Variants in DPF3 observed in about 807,000 individuals in gnomAD.
DPF3 encodes zinc finger protein DPF3.
A neutral mutation model predicts 56.8 loss-of-function variants in DPF3; 18 were observed. That is an observed-to-expected ratio of 0.32 (90% confidence interval 0.22 to 0.47). The LOEUF is 0.47. Among genes scored for constraint, DPF3 ranks in the 20% least tolerant of loss-of-function variants. The pLI, the probability that DPF3 is intolerant of heterozygous loss-of-function variation, is 1.00. For synonymous variants in DPF3, 188 were observed against 180.2 expected (o/e 1.04, Z -0.35); for missense variants, 403 against 488.8 (o/e 0.82, Z 1.65).
intron 1 of DPF3, among the ~76,000 whole-genome samples, chr14:72,772,452 AG>A (rs1891573105): frequency 6.6e-6 from 1 of 152,260 alleles, no homozygotes; most frequent in African/African-American, 2.4e-5. Context: ...TGCAGGAAGA[AG>A]GGGGTGTAGA....
chr14:72,797,680 T>C (rs1450277583), intron 1 of DPF3, among the ~76,000 whole-genome samples: 1 of 152,226 alleles, frequency 6.6e-6, no homozygotes, highest in Non-Finnish European at 1.5e-5. Flanking sequence ...TTTTTCTTCC[T>C]AGCCAACATC....
chr14:72,645,709 T>C (rs8010255), intron 8 of DPF3, among the ~76,000 whole-genome samples: 39,431 of 151,872 alleles, frequency 0.26, 5,807 homozygotes, highest in African/African-American at 0.4. Context: ...TTTTAAGATT[T>C]CTCTTCTTTT....
intron 1 of DPF3, among the ~76,000 whole-genome samples, chr14:72,801,650 CTG>C (rs1420332425): frequency 2.0e-5 from 3 of 152,170 alleles, no homozygotes; most frequent in Non-Finnish European, 2.9e-5. Flanking sequence ...AGGAGTGACA[CTG>C]TAGCCAGGTG....
At chr14:72,660,882 A>C (rs1214275530) in intron 8 of DPF3, among the ~76,000 whole-genome samples, 1 of 152,222 alleles carries the variant, frequency 6.6e-6, no homozygotes, top group East Asian at 1.9e-4. Context: ...GCCAGTGGCA[A>C]CTGCTGTTCT....
At chr14:72,639,892 C>T (rs577376627) in intron 8 of DPF3, among the ~76,000 whole-genome samples, 8 of 151,664 alleles carry the variant, frequency 5.3e-5, no homozygotes, top group Admixed American at 3.3e-4. Context: ...TTTTAAATGA[C>T]TATAATACAA....
intron 1 of DPF3, among the ~76,000 whole-genome samples, chr14:72,835,044 G>A (rs1884232488): frequency 6.6e-6 from 1 of 152,064 alleles, no homozygotes. Context: ...CAGGGGTAGA[G>A]GGGACAGGGG....
At chr14:72,811,017 C>T (rs1883021970) in intron 1 of DPF3, among the ~76,000 whole-genome samples, 1 of 152,210 alleles carries the variant, frequency 6.6e-6, no homozygotes. Flanking sequence ...GGTGAGGCTT[C>T]AGGAAGCTAC....
At chr14:72,688,323 GTGGA>G (rs1180204888) in intron 7 of DPF3, among the ~76,000 whole-genome samples, 7 of 76,070 alleles carry the variant, frequency 9.2e-5, no homozygotes, top group African/African-American at 3.9e-4. Flanking sequence ...GGGTGGGTGG[GTGGA>G]TGGATCGATG....
intron 6 of DPF3, among the ~76,000 whole-genome samples, chr14:72,709,677 A>C (rs1001528261): frequency 6.6e-6 from 1 of 152,112 alleles, no homozygotes; most frequent in African/African-American, 2.4e-5. Context: ...TCTAGAGTTG[A>C]GGACGCTGGG....
chr14:72,869,388 A>T (rs950454012), intron 1 of DPF3, among the ~76,000 whole-genome samples: 4 of 152,192 alleles, frequency 2.6e-5, no homozygotes, highest in African/African-American at 9.6e-5. Context: ...TAGCTAGTAC[A>T]TTGTATGTGT....
intron 1 of DPF3, among the ~76,000 whole-genome samples, chr14:72,884,597 G>A (rs551349650): frequency 1.2e-4 from 18 of 152,034 alleles, no homozygotes; most frequent in Non-Finnish European, 1.9e-4. Context: ...CTGTTTGGAA[G>A]GACAGGCCTG....
chr14:72,651,642 G>A (rs1030868679), intron 8 of DPF3, among the ~76,000 whole-genome samples: 2 of 152,182 alleles, frequency 1.3e-5, no homozygotes, highest in Non-Finnish European at 2.9e-5. Flanking sequence ...TTGCAAAGAT[G>A]GAGGTGGAAT....
intron 1 of DPF3, among the ~76,000 whole-genome samples, chr14:72,850,468 T>G (rs1235991743): frequency 6.6e-6 from 1 of 152,166 alleles, no homozygotes; most frequent in African/African-American, 2.4e-5. Flanking sequence ...CCCCCAGATC[T>G]CCAAGTGAGT....
chr14:72,859,749 T>C (rs1202026182), intron 1 of DPF3, among the ~76,000 whole-genome samples: 1 of 152,030 alleles, frequency 6.6e-6, no homozygotes, highest in African/African-American at 2.4e-5. Context: ...CAAGACCAAA[T>C]TGCTACCTTC....
intron 7 of DPF3, among the ~76,000 whole-genome samples, chr14:72,689,336 C>T (rs1014111404): frequency 3.9e-5 from 6 of 152,242 alleles, no homozygotes; most frequent in Admixed American, 2.6e-4. Flanking sequence ...ATTAGGCCTC[C>T]GCTCACATGC....
At chr14:72,817,367 T>C (rs1327137238) in intron 1 of DPF3, among the ~76,000 whole-genome samples, 1 of 152,136 alleles carries the variant, frequency 6.6e-6, no homozygotes, top group Non-Finnish European at 1.5e-5. Flanking sequence ...CAAAGAATTG[T>C]GGTTAATGGC....
In DPF3 at chr14:72,617,877, T is replaced by G. The variant is rs1357529822; in HGVS notation, c.*1420A>C. ...GAGCTGATTTCAGAGAAGCCAAGCATGCGCGAGGGTTCCGCTCACCGAGAC... is the reference window on the plus strand; with the variant it reads ...GAGCTGATTTCAGAGAAGCCAAGCAGGCGCGAGGGTTCCGCTCACCGAGAC... On this transcript the variant is annotated 3_prime_UTR_variant, in exon 11 of 11. Transcript: ENST00000556509. Among the ~76,000 whole-genome samples the G allele has an allele frequency of 6.6e-6, 1 of 152,090 alleles. No individual in the cohort carries two copies. Among genetic ancestry groups the G allele is most frequent in the Non-Finnish European group, 1.5e-5 (1 of 68,010 alleles).
chr14:72,703,163 C>A (rs1888249683), intron 6 of DPF3, among the ~76,000 whole-genome samples: 1 of 152,154 alleles, frequency 6.6e-6, no homozygotes, highest in Admixed American at 6.5e-5. Flanking sequence ...CATCCACCTC[C>A]CCCCACCCCA....
chr14:72,674,123 G>A lies in DPF3; in HGVS notation c.871+117C>T, dbSNP rs75233910. 1.7e-3 allele frequency: 2,314 copies of A among 1,384,386 alleles called. 16 individuals carry two copies. The African/African-American group carries it at 0.022, about 13-fold the overall frequency. 85.8% of individuals were successfully genotyped at this position (1,384,386 alleles called of 1,614,324 possible). On this transcript the variant is annotated intron_variant, in intron 8 of 10. Coordinates refer to ENST00000556509, the MANE Select transcript of DPF3 (RefSeq NM_001280542.3). ...ATGAGCTGAAAACTCCTCTCCACTC[G>A]AAAGCATTGCCACCATCGCTTCCCT...
Sources: allele counts gnomAD v4.1 joint callset (sites outside exome capture counted in the v4.1 genomes callset), GRCh38; gene constraint gnomAD v4.1.1; transcripts MANE v1.5; gene names NCBI Gene and HGNC (gene_info 2026-07-23, HGNC 2026-07-21).